The following ZNF236 variants were observed in gnomAD, a reference collection of about 807,000 sequenced individuals.
ZNF236 encodes regulated by glucose.
In ZNF236, 50 loss-of-function variants were observed where a neutral mutation model predicts 191.2. That is an observed-to-expected ratio of 0.26 (90% CI 0.21 to 0.33). The LOEUF (loss-of-function observed/expected upper bound fraction) is 0.33, where lower values mean the gene tolerates loss of function less well. Ranked by LOEUF, ZNF236 falls within the 10% of genes least tolerant of loss-of-function variation. The pLI is 1.00. For synonymous variants in ZNF236, 907 were observed against 928.8 expected, an observed-to-expected ratio of 0.98 and a Z score of 0.43; for missense variants, 1,754 against 2,374.5, an observed-to-expected ratio of 0.74 and a Z score of 5.43.
intron 27 of ZNF236, among the ~76,000 whole-genome samples, chr18:76,955,465 G>A (rs1392105960): frequency 6.6e-6 from 1 of 152,146 alleles, no homozygotes; most frequent in Non-Finnish European, 1.5e-5. Context: ...AGTGGTGGTG[G>A]CATCCCATTA....
chr18:76,852,056 G>T (rs1975893865), intron 3 of ZNF236, 117 bp downstream of exon 3: 2 of 1,059,298 alleles, frequency 1.9e-6, no homozygotes, highest in Admixed American at 2.9e-5. Flanking sequence ...TAGATTTCAA[G>T]GAGTGAATTG....
At chr18:76,939,085 A>G (rs928908840) in intron 26 of ZNF236, among the ~76,000 whole-genome samples, 1 of 152,166 alleles carries the variant, frequency 6.6e-6, no homozygotes, top group South Asian at 2.1e-4. Flanking sequence ...CACACCTGTA[A>G]TCCCAGCACT....
rs1968510079 is a variant in ZNF236, at chr18:76,955,860, A to T, written c.4915-125A>T. On this transcript the variant is annotated intron_variant, in intron 27 of 30. Coordinates refer to ENST00000320610, the MANE Select transcript of ZNF236 (RefSeq NM_001306089.2). The stretch of plus-strand genomic sequence containing the variant: ...GGCTAAATTATCCTGATGATAGGAC[A>T]TGCAGTGTGGGCTTGGCGTGTCCGT... 2.9e-6 allele frequency: 3 copies of T among 1,026,998 alleles called. No homozygotes were observed. The South Asian group carries it at 4.1e-5, about 14-fold the overall frequency. The allele number at this position is 1,026,998 out of a possible 1,614,324, so 63.6% of individuals were successfully genotyped here.
At position 76,825,261 on chromosome 18, in the gene ZNF236, C is replaced by A. The variant is rs1312850407; in HGVS notation, c.55+2599C>A. ...TACCTTTCCCTTCTGAACACCAGTC[C>A]TCCTGTAGCAAAGTGGTTCTCAAAC... On this transcript the variant is annotated intron_variant, in intron 1 of 30. Transcript: ENST00000320610. Among the ~76,000 whole-genome samples the A allele has an allele frequency of 3.9e-5, 6 of 152,218 alleles. No individual in the cohort carries two copies. The East Asian group carries it at 1.2e-3, about 29-fold the overall frequency.
At chr18:76,913,080 G>A (rs1967261533) in intron 17 of ZNF236, among the ~76,000 whole-genome samples, 1 of 152,162 alleles carries the variant, frequency 6.6e-6, no homozygotes, top group East Asian at 1.9e-4. Context: ...GTGTAGGGAC[G>A]TCACTAACCT....
intron 30 of ZNF236, among the ~76,000 whole-genome samples, chr18:76,964,815 G>T (rs115470254): frequency 0.012 from 1,801 of 152,164 alleles, 30 homozygotes; most frequent in African/African-American, 0.04. Context: ...ATTATATAAT[G>T]CCCCTCTGTC....
chr18:76,964,084 T>C lies in ZNF236; in HGVS notation c.5419+3229T>C, dbSNP rs149002071. The stretch of plus-strand genomic sequence containing the variant: ...CATTTAGTTCTGCTCTAATCTTGGT[T>C]ATTTCCTTTCTTCTGCTGAGTTTGG... On this transcript the variant is annotated intron_variant, in intron 30 of 30. Coordinates refer to ENST00000320610, the MANE Select transcript of ZNF236 (RefSeq NM_001306089.2). Among the ~76,000 whole-genome samples, 24 of 152,334 alleles carry C rather than the reference T, an allele frequency of 1.6e-4. 1 individual carries two copies. Among genetic ancestry groups the C allele is most frequent in the African/African-American group, 5.8e-4 (24 of 41,572 alleles).
At chr18:76,961,510 T>TG (rs1968667362) in intron 30 of ZNF236, among the ~76,000 whole-genome samples, 1 of 152,100 alleles carries the variant, frequency 6.6e-6, no homozygotes, top group South Asian at 2.1e-4. Context: ...GCCATAAACA[T>TG]GCGTGTGCAA....
At chr18:76,911,294 C>T (rs945933539) in intron 16 of ZNF236, among the ~76,000 whole-genome samples, 1 of 53,906 alleles carries the variant, frequency 1.9e-5, no homozygotes, top group African/African-American at 6.8e-5. Context: ...TTGGAAATTT[C>T]TTAATAGTGA....
intron 1 of ZNF236, among the ~76,000 whole-genome samples, chr18:76,845,777 A>C (rs1975657189): frequency 6.6e-6 from 1 of 151,738 alleles, no homozygotes; most frequent in Non-Finnish European, 1.5e-5. Flanking sequence ...TGAACCCGGG[A>C]GGTGAAGGTT....
intron 3 of ZNF236, among the ~76,000 whole-genome samples, chr18:76,852,245 C>T (rs1352129746): frequency 6.6e-6 from 1 of 152,224 alleles, no homozygotes; most frequent in African/African-American, 2.4e-5. Flanking sequence ...CAGAAACTAA[C>T]ATTTATACGA....
chr18:76,823,757 C>G (rs1974935099), intron 1 of ZNF236, among the ~76,000 whole-genome samples: 1 of 152,228 alleles, frequency 6.6e-6, no homozygotes, highest in Admixed American at 6.5e-5. Context: ...GCTTGAGGAA[C>G]GGACTTTCCT....
chr18:76,838,180 C>T (rs1236853205), intron 1 of ZNF236, among the ~76,000 whole-genome samples: 1 of 152,112 alleles, frequency 6.6e-6, no homozygotes, highest in African/African-American at 2.4e-5. Context: ...GTACATTGAT[C>T]TTGGGCACAG....
chr18:76,889,323 T>G (rs944861176), intron 9 of ZNF236, among the ~76,000 whole-genome samples: 1 of 152,214 alleles, frequency 6.6e-6, no homozygotes, highest in African/African-American at 2.4e-5. Flanking sequence ...TCTTGGCACC[T>G]CTGATGCTCT....
chr18:76,880,343 G>A lies in ZNF236; in HGVS notation c.1188+27G>A. On this transcript the variant is annotated intron_variant, in intron 8 of 30. Coordinates refer to ENST00000320610, the MANE Select transcript of ZNF236 (RefSeq NM_001306089.2). This position sits in a 1 kb window ranked among gnomAD's most constrained non-coding sequence, Gnocchi z 5.0. ...TGAAGCACGCTTCCCTGCGGTGTGA[G>A]GCTTACGTGCTCGTGCTGGGTCAGA... The A allele has an allele frequency of 6.3e-7, 1 of 1,580,146 alleles. No individual in the cohort carries two copies. Among genetic ancestry groups the A allele is most frequent in the South Asian group, 1.1e-5 (1 of 88,572 alleles).
At chr18:76,951,362 A>G (rs1222278111) in intron 27 of ZNF236, among the ~76,000 whole-genome samples, 1 of 152,208 alleles carries the variant, frequency 6.6e-6, no homozygotes, top group African/African-American at 2.4e-5. Flanking sequence ...GCTCTTGGCT[A>G]GATGTTCTGG....
At chr18:76,835,692 T>C (rs1054273721) in intron 1 of ZNF236, among the ~76,000 whole-genome samples, 4 of 152,196 alleles carry the variant, frequency 2.6e-5, no homozygotes, top group Non-Finnish European at 5.9e-5. Flanking sequence ...AAGTTATATC[T>C]CTTGCAAGCA....
In ZNF236 at chr18:76,959,682, C is replaced by T. The variant is rs1259553599; in HGVS notation, c.5113-5C>T. 7 of 1,604,442 alleles carry T rather than the reference C, an allele frequency of 4.4e-6. No individual in the cohort carries two copies. Among genetic ancestry groups the T allele is most frequent in the Non-Finnish European group, 6.0e-6 (7 of 1,174,880 alleles). On this transcript the variant is annotated splice_polypyrimidine_tract_variant and splice_region_variant and intron_variant, in intron 28 of 30. Coordinates refer to ENST00000320610, the MANE Select transcript of ZNF236 (RefSeq NM_001306089.2). ...GTTTCTTGGTTTCTGTGTGTTGTCT[C>T]CCAGGAGCACATGCAGACACACCAG...
rs1265284612 is a variant in ZNF236, at chr18:76,969,558, A to G, written c.*1219A>G. ...CTCCCCACGAGCACTTCAGATCAGT[A>G]TTGTATTCATTTTATTCATAAATGG... On this transcript the variant is annotated 3_prime_UTR_variant, in exon 31 of 31. Transcript: ENST00000320610. 6.6e-6 allele frequency: 1 copy of G among 152,548 alleles called. No homozygotes were observed. Among genetic ancestry groups the G allele is most frequent in the East Asian group, 1.9e-4 (1 of 5,200 alleles). The allele number at this position is 152,548 out of a possible 1,614,324, so 9.4% of individuals were successfully genotyped here.
Sources: gnomAD v4.1 joint callset for allele counts (sites outside exome capture counted in the v4.1 genomes callset) on GRCh38, gnomAD v4.1.1 for gene constraint, Gnocchi (gnomAD v3.1) non-coding constraint, MANE v1.5 for transcripts, NCBI Gene and HGNC (gene_info 2026-07-23, HGNC 2026-07-21) for gene names.